Variants in ERICH6 observed in about 807,000 individuals in gnomAD.
ERICH6 encodes glutamate rich 6.
A neutral mutation model predicts 71.0 loss-of-function variants in ERICH6; 71 were observed. That is an observed-to-expected ratio of 1.00 (90% confidence interval 0.83 to 1.22). The LOEUF (loss-of-function observed/expected upper bound fraction) is 1.22, where lower values mean the gene tolerates loss of function less well. ERICH6 is among the 50% of genes most tolerant of loss of function. The pLI is 0.00. For synonymous variants in ERICH6, 262 were observed against 278.4 expected, an observed-to-expected ratio of 0.94 and a Z score of 0.59; for missense variants, 808 against 797.2, an observed-to-expected ratio of 1.01 and a Z score of -0.16.
At chr3:150,683,099 T>G (rs930205357) in intron 6 of ERICH6, among the ~76,000 whole-genome samples, 1 of 152,150 alleles carries the variant, frequency 6.6e-6, no homozygotes, top group Non-Finnish European at 1.5e-5. Flanking sequence ...CATCTGTATA[T>G]GCCATGGTAA....
chr3:150,695,107 T>C (rs1282359619), intron 3 of ERICH6, among the ~76,000 whole-genome samples: 1 of 152,200 alleles, frequency 6.6e-6, no homozygotes, highest in East Asian at 1.9e-4. Context: ...ATCACATTAG[T>C]GATCAGATTT....
At chr3:150,688,295 A>G (rs951366577) in intron 3 of ERICH6, among the ~76,000 whole-genome samples, 25 of 152,214 alleles carry the variant, frequency 1.6e-4, no homozygotes, top group African/African-American at 5.5e-4. Flanking sequence ...TTTTATTAAT[A>G]CATTATTTGT....
At chr3:150,688,132 C>G in intron 3 of ERICH6, among the ~76,000 whole-genome samples, 1 of 151,924 alleles carries the variant, frequency 6.6e-6, no homozygotes, top group African/African-American at 2.4e-5. Context: ...AGTAAATAAA[C>G]AAATAAATAA....
In ERICH6 at chr3:150,678,452, T is replaced by C. The variant is rs950690492; in HGVS notation, c.1214A>G (p.Asn405Ser). 1.9e-6 allele frequency: 3 copies of C among 1,603,328 alleles called. No homozygotes were observed. Among genetic ancestry groups the C allele is most frequent in the African/African-American group, 2.7e-5 (2 of 74,332 alleles). ...AGAATCACAACAAATGATAGACATG[T>C]TACTGTTTCTTAGTTGAAAATCAAA... ...IVFDFQLRNS[N>S]MSIICCDSRI... is the part of the protein sequence containing the mutation. Residue 405 changes from asparagine (N) to serine (S), a missense_variant, in exon 10 of 14, where the codon AAC becomes AGC. By Grantham distance (46) the Asn-to-Ser change is conservative. Transcript: ENST00000295910.
At chr3:150,670,623 A>G (rs1298757333) in intron 11 of ERICH6, among the ~76,000 whole-genome samples, 1 of 152,204 alleles carries the variant, frequency 6.6e-6, no homozygotes, top group Admixed American at 6.5e-5. Context: ...AATCCTAAGG[A>G]ATTCATAAGA....
At chr3:150,685,634 T>G in intron 6 of ERICH6, 108 bp downstream of exon 6, 1 of 720,824 alleles carries the variant, frequency 1.4e-6, no homozygotes, top group South Asian at 2.5e-5. Context: ...CTCTTTGGCT[T>G]TTTTTTTTTT....
At chr3:150,699,836 A>T (rs927753036) in intron 2 of ERICH6, among the ~76,000 whole-genome samples, 2 of 152,176 alleles carry the variant, frequency 1.3e-5, no homozygotes, top group African/African-American at 4.8e-5. Flanking sequence ...AAAATTCTGT[A>T]CAAGGGCTGT....
At chr3:150,691,865 A>C (rs1459711520) in intron 3 of ERICH6, among the ~76,000 whole-genome samples, 2 of 152,130 alleles carry the variant, frequency 1.3e-5, no homozygotes, top group Non-Finnish European at 2.9e-5. Flanking sequence ...ACAGCAATTA[A>C]GGCCCCATCT....
At chr3:150,680,121 T>G (rs907365853) in intron 9 of ERICH6, among the ~76,000 whole-genome samples, 3 of 152,364 alleles carry the variant, frequency 2.0e-5, no homozygotes, top group South Asian at 4.1e-4. Flanking sequence ...AACAATGAGA[T>G]GAAGACTGAA....
intron 5 of ERICH6, 23 bp from the exon 6 acceptor site, chr3:150,685,881 GT>G: frequency 6.2e-7 from 1 of 1,609,526 alleles, no homozygotes; most frequent in South Asian, 1.1e-5. Context: ...AGAGAAAGGG[GT>G]GGTGAGGGGA....
intron 13 of ERICH6, among the ~76,000 whole-genome samples, chr3:150,660,518 G>A (rs537999366): frequency 1.6e-4 from 24 of 152,292 alleles, no homozygotes; most frequent in African/African-American, 5.5e-4. Flanking sequence ...TGCTCACTGG[G>A]AAGGCACTGA....
At chr3:150,688,291 T>C (rs1025961942) in intron 3 of ERICH6, among the ~76,000 whole-genome samples, 2 of 152,114 alleles carry the variant, frequency 1.3e-5, no homozygotes, top group African/African-American at 4.8e-5. Context: ...AGGTTTTTAT[T>C]AATACATTAT....
intron 2 of ERICH6, among the ~76,000 whole-genome samples, chr3:150,700,566 G>C (rs1205976774): frequency 2.0e-5 from 3 of 151,596 alleles, no homozygotes; most frequent in African/African-American, 7.3e-5. Flanking sequence ...GAGTCAAAAA[G>C]TTTATTTTAT....
rs1288134559 is a variant in ERICH6, at chr3:150,688,420, T to G, written c.554-2066A>C. Among the ~76,000 whole-genome samples the G allele has an allele frequency of 3.3e-5, 5 of 152,336 alleles. No homozygotes were observed. The East Asian group carries it at 9.7e-4, about 29-fold the overall frequency. ...ATATGACGAAATATTATGCAGTAAC[T>G]TCAAAGAATTAGGTCAATCATTCCT... On this transcript the variant is annotated intron_variant, in intron 3 of 13. Transcript: ENST00000295910.
chr3:150,659,954 T>C lies in ERICH6; in HGVS notation c.1930A>G (p.Ser644Gly). The change falls in exon 14 of 14, where the codon AGT (serine) becomes GGT (glycine). Residue 644 changes from serine (S) to glycine (G), a missense_variant. Transcript: ENST00000295910. ...ATTATATCTTGCTTTATACCAGAAC[T>C]GTGACAAAGGGCAATTAGTTTTAGA... is the stretch of plus-strand genomic sequence containing the variant. ...LSLKLIALCH[S>G]SGIKQDIMKT... The C allele has an allele frequency of 3.1e-6, 5 of 1,613,876 alleles. No individual in the cohort carries two copies. Among genetic ancestry groups the C allele is most frequent in the Non-Finnish European group, 4.2e-6 (5 of 1,179,786 alleles).
At chr3:150,700,164 T>C (rs943356261) in intron 2 of ERICH6, among the ~76,000 whole-genome samples, 15 of 150,870 alleles carry the variant, frequency 9.9e-5, no homozygotes, top group African/African-American at 3.7e-4. Context: ...AAGCACTTCC[T>C]CCAAGGTTCA....
At chr3:150,661,079 C>A (rs935769242) in intron 13 of ERICH6, among the ~76,000 whole-genome samples, 9 of 152,186 alleles carry the variant, frequency 5.9e-5, no homozygotes, top group African/African-American at 2.2e-4. Context: ...CCTGCCCCCA[C>A]CTTGTTTCCA....
chr3:150,686,269 A>G, intron 4 of ERICH6, 29 bp downstream of exon 4: 1 of 1,611,882 alleles, frequency 6.2e-7, no homozygotes, highest in Non-Finnish European at 8.5e-7. Flanking sequence ...TTTGCCAGCA[A>G]AAGGAGATGA....
At chr3:150,680,967 C>G (rs779966711) in intron 7 of ERICH6, 37 bp from the exon 8 acceptor site, 35 of 1,562,314 alleles carry the variant, frequency 2.2e-5, no homozygotes, top group Admixed American at 3.9e-5. Context: ...CTCATTAGTC[C>G]TAGATGAGGA....
Sources: allele counts gnomAD v4.1 joint callset (sites outside exome capture counted in the v4.1 genomes callset), GRCh38; gene constraint gnomAD v4.1.1; transcripts MANE v1.5; gene names NCBI Gene and HGNC (gene_info 2026-07-23, HGNC 2026-07-21).